XKR4: variants seen among roughly 807,000 people sequenced by gnomAD.
XKR4 encodes XK-related protein 4.
In XKR4, 12 loss-of-function variants were observed where a neutral mutation model predicts 53.9. The ratio of observed to expected loss-of-function variants is 0.22; its 90% confidence interval spans 0.14 to 0.36. The LOEUF (loss-of-function observed/expected upper bound fraction) is 0.36. Among genes scored for constraint, XKR4 ranks in the 10% least tolerant of loss-of-function variants. XKR4 has a pLI of 1.00. For synonymous variants in XKR4, 354 were observed against 362.4 expected, an observed-to-expected ratio of 0.98 and a Z score of 0.26; for missense variants, 799 against 859.5, an observed-to-expected ratio of 0.93 and a Z score of 0.88.
At position 55,532,998 on chromosome 8, in the gene XKR4, C is replaced by T. The variant is rs1806976923; in HGVS notation, c.*8771C>T. 6.6e-6 allele frequency: 1 copy of T among 152,146 alleles called. No homozygotes were observed. The highest frequency in any genetic ancestry group is 6.6e-5 in the Admixed American group (1 of 15,264). 9.4% of individuals were successfully genotyped at this position (152,146 alleles called of 1,614,324 possible). A position where few individuals can be genotyped will look rare whatever the true frequency, so the allele number is the denominator to read the frequency against. On this transcript the variant is annotated 3_prime_UTR_variant, in exon 3 of 3. Coordinates refer to ENST00000327381, the MANE Select transcript of XKR4 (RefSeq NM_052898.2). ...GTTAAGCTAATTTAATTTACCTATT[C>T]TAGTGGCATTCTGGTATGGAGCTGT...
Position 55,142,238 on chromosome 8 carries a change from C to T in XKR4, c.806+38944C>T, listed in dbSNP as rs556788420. On this transcript the variant is annotated intron_variant, in intron 1 of 2. Coordinates refer to ENST00000327381, the MANE Select transcript of XKR4 (RefSeq NM_052898.2). ...CAGAACTTCATGTCATTGAAACTTG[C>T]TCTTAGACCTCTCCTCGTAGGAGAA... 14 of 454,362 alleles carry T rather than the reference C, an allele frequency of 3.1e-5. No individual in the cohort carries two copies. In the East Asian group the frequency reaches 9.0e-4, roughly 29 times the overall value. 28.1% of individuals were successfully genotyped at this position (454,362 alleles called of 1,614,324 possible).
chr8:55,282,912 T>C (rs1370375226), intron 1 of XKR4, among the ~76,000 whole-genome samples: 1 of 152,242 alleles, frequency 6.6e-6, no homozygotes, highest in Non-Finnish European at 1.5e-5. Context: ...TATGAATGTA[T>C]GATATATAAG....
chr8:55,300,905 A>T (rs1458447721), intron 1 of XKR4, among the ~76,000 whole-genome samples: 1 of 152,094 alleles, frequency 6.6e-6, no homozygotes, highest in East Asian at 1.9e-4. Flanking sequence ...GTAAAGGAGG[A>T]TTATATTTTA....
chr8:55,459,225 G>GA (rs987100921), intron 2 of XKR4, among the ~76,000 whole-genome samples: 3 of 151,406 alleles, frequency 2.0e-5, no homozygotes, highest in Non-Finnish European at 4.4e-5. Flanking sequence ...ATATTCATGA[G>GA]AAAAAAAATG....
intron 1 of XKR4, chr8:55,135,269 G>T: frequency 5.9e-6 from 1 of 169,704 alleles, no homozygotes; most frequent in Non-Finnish European, 1.3e-5. Flanking sequence ...TCTTTTTTAT[G>T]ATAACATACT....
chr8:55,309,594 T>C (rs982684550), intron 1 of XKR4, among the ~76,000 whole-genome samples: 1 of 152,106 alleles, frequency 6.6e-6, no homozygotes, highest in Non-Finnish European at 1.5e-5. Context: ...ATGAGAGAAA[T>C]ATAAGTAAGA....
intron 1 of XKR4, among the ~76,000 whole-genome samples, chr8:55,239,179 T>G (rs895307438): frequency 6.6e-6 from 1 of 152,232 alleles, no homozygotes; most frequent in Non-Finnish European, 1.5e-5. Context: ...TATCAATAAA[T>G]TTTTAGGATA....
intron 1 of XKR4, among the ~76,000 whole-genome samples, chr8:55,306,075 T>C (rs1286496685): frequency 6.6e-6 from 1 of 152,182 alleles, no homozygotes; most frequent in East Asian, 1.9e-4. Context: ...AAGGCAAATT[T>C]TACAAACCAC....
chr8:55,463,202 C>A (rs1469151996), intron 2 of XKR4, among the ~76,000 whole-genome samples: 1 of 152,090 alleles, frequency 6.6e-6, no homozygotes, highest in East Asian at 1.9e-4. Flanking sequence ...ACACCTATTC[C>A]AAAATTGACC....
chr8:55,261,890 A>T lies in XKR4; in HGVS notation c.807-95788A>T, dbSNP rs574611570. On this transcript the variant is annotated intron_variant, in intron 1 of 2. Coordinates refer to ENST00000327381, the MANE Select transcript of XKR4 (RefSeq NM_052898.2). ...GGGAAGATTTGGCTTTTTTTTTTAA[A>T]AAAAAGTATATTCATATAAAGTATC... Among the ~76,000 whole-genome samples, 609 of 141,420 alleles carry T rather than the reference A, an allele frequency of 4.3e-3. 1 individual carries two copies. Among genetic ancestry groups the T allele is most frequent in the East Asian group, 0.015 (71 of 4,670 alleles). The allele number at this position is 141,420 out of a possible 152,430, so 92.8% of individuals were successfully genotyped here.
intron 1 of XKR4, among the ~76,000 whole-genome samples, chr8:55,356,417 T>C (rs1286204638): frequency 6.6e-6 from 1 of 152,036 alleles, no homozygotes; most frequent in Admixed American, 6.5e-5. Context: ...AAAGAAAATA[T>C]GCAAGAAATT....
intron 1 of XKR4, among the ~76,000 whole-genome samples, chr8:55,346,030 G>A (rs1803633200): frequency 6.6e-6 from 1 of 151,954 alleles, no homozygotes; most frequent in Admixed American, 6.6e-5. Context: ...GGGGAAAGAG[G>A]AGGAATGGAG....
chr8:55,482,313 G>A (rs558308288), intron 2 of XKR4, among the ~76,000 whole-genome samples: 5 of 152,044 alleles, frequency 3.3e-5, no homozygotes, highest in East Asian at 3.9e-4. Flanking sequence ...ACCAAACACC[G>A]TATGTTCTCA....
chr8:55,298,912 C>A (rs1819139398), intron 1 of XKR4, among the ~76,000 whole-genome samples: 1 of 152,152 alleles, frequency 6.6e-6, no homozygotes, highest in African/African-American at 2.4e-5. Context: ...TTCTAAGGAA[C>A]AAGGTTATTC....
At chr8:55,434,099 C>T (rs1805140968) in intron 2 of XKR4, among the ~76,000 whole-genome samples, 1 of 152,054 alleles carries the variant, frequency 6.6e-6, no homozygotes, top group Non-Finnish European at 1.5e-5. Flanking sequence ...GTGCTTCACT[C>T]TTTATTTTTA....
chr8:55,367,162 A>C (rs950592157), intron 2 of XKR4, among the ~76,000 whole-genome samples: 1 of 152,172 alleles, frequency 6.6e-6, no homozygotes, highest in Non-Finnish European at 1.5e-5. Context: ...ACCGTTCTAC[A>C]TGTGATCACT....
At chr8:55,507,603 G>A (rs997950913) in intron 2 of XKR4, among the ~76,000 whole-genome samples, 9 of 152,010 alleles carry the variant, frequency 5.9e-5, no homozygotes, top group Non-Finnish European at 1.0e-4. Context: ...GTGGTATTTG[G>A]TTTTTTGTCC....
At chr8:55,516,621 A>G (rs1450700706) in intron 2 of XKR4, among the ~76,000 whole-genome samples, 1 of 152,256 alleles carries the variant, frequency 6.6e-6, no homozygotes, top group Non-Finnish European at 1.5e-5. Context: ...TCAAAAAAAC[A>G]ACAGATGTTG....
intron 1 of XKR4, among the ~76,000 whole-genome samples, chr8:55,271,188 A>G (rs1818685886): frequency 6.6e-6 from 1 of 152,042 alleles, no homozygotes; most frequent in South Asian, 2.1e-4. Flanking sequence ...CCCACCTAGA[A>G]AGTCTGAAGG....
Sources: gnomAD v4.1 joint callset for allele counts (sites outside exome capture counted in the v4.1 genomes callset) on GRCh38, gnomAD v4.1.1 for gene constraint, MANE v1.5 for transcripts, NCBI Gene and HGNC (gene_info 2026-07-23, HGNC 2026-07-21) for gene names.